KHDRBS2: variants seen among roughly 807,000 people sequenced by gnomAD.
KHDRBS2 encodes the protein KH domain-containing, RNA-binding, signal transduction-associated protein 2.
A neutral mutation model predicts 44.3 loss-of-function variants in KHDRBS2; 26 were observed. The observed-to-expected ratio is 0.59, with a 90% CI of 0.43 to 0.81. The LOEUF is 0.81. Ranked by LOEUF, KHDRBS2 falls within the 40% of genes least tolerant of loss-of-function variation. KHDRBS2 has a pLI of 0.00. For missense variants in KHDRBS2, 476 were observed against 433.1 expected, an observed-to-expected ratio of 1.10 and a Z score of -0.88; for synonymous variants, 194 against 151.1, an observed-to-expected ratio of 1.28 and a Z score of -2.08.
At chr6:61,972,031 T>C (rs1309250759) in intron 4 of KHDRBS2, among the ~76,000 whole-genome samples, 1 of 152,288 alleles carries the variant, frequency 6.6e-6, no homozygotes, top group Admixed American at 6.5e-5. Flanking sequence ...CCAATTCTTA[T>C]CTCAGATAAA....
intron 4 of KHDRBS2, among the ~76,000 whole-genome samples, chr6:61,918,448 A>AG (rs1807429719): frequency 6.6e-6 from 1 of 151,880 alleles, no homozygotes; most frequent in Admixed American, 6.6e-5. Context: ...GTTGTTAGGA[A>AG]GGGGACCCTC....
the KHDRBS2 span, among the ~76,000 whole-genome samples, chr6:61,548,657 A>G: frequency 6.6e-6 from 1 of 152,132 alleles, no homozygotes; most frequent in Non-Finnish European, 1.5e-5. Context: ...CTTTGTCTCT[A>G]TAACACACTG....
chr6:61,810,221 C>T (rs939061690), intron 6 of KHDRBS2, among the ~76,000 whole-genome samples: 8 of 151,928 alleles, frequency 5.3e-5, no homozygotes, highest in Admixed American at 1.3e-4. Context: ...ATACTGAGAG[C>T]GAGGTCAGGT....
intron 1 of KHDRBS2, among the ~76,000 whole-genome samples, chr6:62,272,645 G>A (rs1840272597): frequency 6.6e-6 from 1 of 152,208 alleles, no homozygotes; most frequent in East Asian, 1.9e-4. Flanking sequence ...CAAGATGTTG[G>A]CAGTGAGTGG....
At position 61,739,156 on chromosome 6, in the gene KHDRBS2, T is replaced by G. The variant is rs1019551684; in HGVS notation, c.811-6392A>C. On this transcript the variant is annotated intron_variant, in intron 6 of 8. Coordinates refer to ENST00000281156, the MANE Select transcript of KHDRBS2 (RefSeq NM_152688.4). ...ATAACTTCAGTGTGACTTGCAAAAT[T>G]TTTTGCAAAATCCACTATAACTTTT... Among the ~76,000 whole-genome samples, 55 of 151,992 alleles carry G rather than the reference T, an allele frequency of 3.6e-4. 1 individual carries two copies. Among genetic ancestry groups the G allele is most frequent in the African/African-American group, 1.2e-3 (50 of 41,546 alleles).
chr6:62,087,133 C>A (rs1346667728), intron 2 of KHDRBS2, among the ~76,000 whole-genome samples: 1 of 151,870 alleles, frequency 6.6e-6, no homozygotes, highest in African/African-American at 2.4e-5. Flanking sequence ...TGAAAATGAG[C>A]AAAAGAAAAG....
chr6:61,906,610 T>G (rs73487385), intron 4 of KHDRBS2, among the ~76,000 whole-genome samples: 13,438 of 152,200 alleles, frequency 0.088, 602 homozygotes, highest in Middle Eastern at 0.17. Flanking sequence ...GAGTTCAATT[T>G]TTTTAATTTT....
the KHDRBS2 span, among the ~76,000 whole-genome samples, chr6:61,668,639 C>A: frequency 6.6e-6 from 1 of 150,728 alleles, no homozygotes; most frequent in East Asian, 2.0e-4. Flanking sequence ...CATTACATTC[C>A]CTAAAGGATG....
At chr6:61,861,757 A>G (rs1409164178) in intron 6 of KHDRBS2, among the ~76,000 whole-genome samples, 3 of 151,894 alleles carry the variant, frequency 2.0e-5, no homozygotes, top group African/African-American at 7.2e-5. Context: ...AAGGATGTCA[A>G]TGCTAGTTTA....
chr6:62,013,758 C>T (rs1015202730), intron 3 of KHDRBS2, among the ~76,000 whole-genome samples: 1 of 152,154 alleles, frequency 6.6e-6, no homozygotes, highest in African/African-American at 2.4e-5. Context: ...CAGTGCGTTG[C>T]CTCACACCAG....
At chr6:62,085,281 G>A (rs964665279) in intron 2 of KHDRBS2, among the ~76,000 whole-genome samples, 5 of 152,214 alleles carry the variant, frequency 3.3e-5, no homozygotes, top group African/African-American at 2.4e-5. Context: ...AATGGAGAAT[G>A]TGGATTGAAA....
intron 2 of KHDRBS2, among the ~76,000 whole-genome samples, chr6:62,111,229 G>T (rs1261757834): frequency 6.6e-6 from 1 of 152,014 alleles, no homozygotes; most frequent in Non-Finnish European, 1.5e-5. Flanking sequence ...AAAGAAATTT[G>T]CAATGTATTA....
chr6:61,703,846 C>T (rs1227612842), intron 7 of KHDRBS2, among the ~76,000 whole-genome samples: 1 of 151,852 alleles, frequency 6.6e-6, no homozygotes, highest in Non-Finnish European at 1.5e-5. Flanking sequence ...CAAGACTCCA[C>T]AACTTCCATC....
At position 62,111,980 on chromosome 6, in the gene KHDRBS2, G is replaced by C. The variant is rs142009177; in HGVS notation, c.220-63986C>G. Among the ~76,000 whole-genome samples, 1,029 of 152,172 alleles carry C rather than the reference G, an allele frequency of 6.8e-3. 7 individuals are homozygous for C. The highest frequency in any genetic ancestry group is 0.011 in the Non-Finnish European group (771 of 67,990). On this transcript the variant is annotated intron_variant, in intron 2 of 8. Coordinates refer to ENST00000281156, the MANE Select transcript of KHDRBS2 (RefSeq NM_152688.4). Reference sequence around the variant, plus strand: ...GGGTCCAAGAAATTTGGATTTCTAAGTTTCCTGGTGAAGCTGATGCTACTA... The same window carrying C: ...GGGTCCAAGAAATTTGGATTTCTAACTTTCCTGGTGAAGCTGATGCTACTA...
intron 2 of KHDRBS2, among the ~76,000 whole-genome samples, chr6:62,054,917 A>G (rs1455314547): frequency 6.6e-6 from 1 of 152,076 alleles, no homozygotes; most frequent in African/African-American, 2.4e-5. Context: ...GGAAAGAAGG[A>G]GCTACGTAAT....
intron 7 of KHDRBS2, among the ~76,000 whole-genome samples, chr6:61,704,921 C>T (rs1436016353): frequency 6.6e-6 from 1 of 151,768 alleles, no homozygotes; most frequent in Non-Finnish European, 1.5e-5. Flanking sequence ...AGAAAATTGA[C>T]ATATTAAGAT....
chr6:61,674,564 A>G, the KHDRBS2 span, among the ~76,000 whole-genome samples: 11 of 151,762 alleles, frequency 7.2e-5, no homozygotes, highest in Non-Finnish European at 1.3e-4. Flanking sequence ...TGTCCAGCAT[A>G]TATGCTCAAA....
the KHDRBS2 span, among the ~76,000 whole-genome samples, chr6:61,592,004 C>A: frequency 6.6e-6 from 1 of 151,800 alleles, no homozygotes; most frequent in Non-Finnish European, 1.5e-5. Flanking sequence ...GCCTGGGTAA[C>A]ATAGAGAGAC....
the KHDRBS2 span, among the ~76,000 whole-genome samples, chr6:61,543,998 C>T: frequency 2.0e-5 from 3 of 149,524 alleles, no homozygotes; most frequent in South Asian, 4.2e-4. Flanking sequence ...TTTGTAGATA[C>T]AAAAAAAAGT....
Sources: gnomAD v4.1 joint callset for allele counts (sites outside exome capture counted in the v4.1 genomes callset) on GRCh38, gnomAD v4.1.1 for gene constraint, MANE v1.5 for transcripts, NCBI Gene and HGNC (gene_info 2026-07-23, HGNC 2026-07-21) for gene names.